CCDC33: variants seen among roughly 807,000 people sequenced by gnomAD.
The protein encoded by CCDC33 is coiled-coil domain-containing protein 33.
Under a neutral mutation model 91.9 loss-of-function variants are expected in CCDC33, and 94 were observed. The observed-to-expected ratio is 1.02, with a 90% CI of 0.87 to 1.21. The LOEUF (loss-of-function observed/expected upper bound fraction) is 1.21. Ranked by LOEUF, CCDC33 falls within the 50% of genes most tolerant of loss-of-function variation. The probability of loss-of-function intolerance (pLI) is 0.00; values close to 1 mark genes in which losing one functional copy is unlikely to be tolerated. For missense variants in CCDC33, 940 were observed against 935.5 expected (o/e 1.00, Z -0.06); for synonymous variants, 396 against 374.5 (o/e 1.06, Z -0.66).
chr15:74,227,420 T>G (rs1351266415), intron 2 of CCDC33, among the ~76,000 whole-genome samples: 3 of 152,104 alleles, frequency 2.0e-5, no homozygotes, highest in Non-Finnish European at 4.4e-5. Flanking sequence ...GGGAAGCACT[T>G]TGAGGGAGGA....
chr15:74,336,087 G>T lies in CCDC33; in HGVS notation c.*34G>T. 6.2e-7 allele frequency: 1 copy of T among 1,607,038 alleles called. No homozygotes were observed. On this transcript the variant is annotated 3_prime_UTR_variant, in exon 19 of 19. Coordinates refer to ENST00000398814, the MANE Select transcript of CCDC33 (RefSeq NM_025055.5). The stretch of plus-strand genomic sequence containing the variant: ...GCAGGCCTCCTTCCCTGTGTGCTGG[G>T]GAGTCTCATCACCGCCCCCTAAAAA...
upstream of CCDC33, among the ~76,000 whole-genome samples, chr15:74,234,585 G>T (rs796711560): frequency 1.1e-4 from 16 of 152,298 alleles, no homozygotes; most frequent in African/African-American, 3.6e-4. Flanking sequence ...AGGTAGAAGG[G>T]CCCTACTGGT....
intron 1 of CCDC33, among the ~76,000 whole-genome samples, chr15:74,240,095 C>G (rs1038211613): frequency 9.2e-5 from 14 of 152,262 alleles, no homozygotes; most frequent in Admixed American, 9.2e-4. Context: ...TGGCCCTGGG[C>G]CCAGCCTGCC....
At chr15:74,333,027 C>T (rs2060474160) in intron 16 of CCDC33, 182 bp downstream of exon 16, 1 of 768,812 alleles carries the variant, frequency 1.3e-6, no homozygotes, top group East Asian at 2.7e-5. Flanking sequence ...AATGTGTGTC[C>T]CCGAACACTT....
At chr15:74,295,039 G>T (rs745566168) in intron 10 of CCDC33, among the ~76,000 whole-genome samples, 1 of 152,200 alleles carries the variant, frequency 6.6e-6, no homozygotes. Flanking sequence ...CTTAATGGGT[G>T]GTAAGATTGA....
chr15:74,207,942 T>A (rs1244759537), intron 1 of CCDC33: 1 of 1,454,126 alleles, frequency 6.9e-7, no homozygotes, highest in African/African-American at 1.4e-5. Context: ...ACTCTCCACC[T>A]CCTGTCTCTC....
intron 10 of CCDC33, among the ~76,000 whole-genome samples, chr15:74,285,795 A>G (rs1051730456): frequency 2.0e-5 from 3 of 152,216 alleles, no homozygotes; most frequent in Non-Finnish European, 4.4e-5. Context: ...CTGCATTAAG[A>G]TGGCTTGTGT....
At chr15:74,271,087 G>C (rs2076302577) in intron 5 of CCDC33, among the ~76,000 whole-genome samples, 1 of 152,144 alleles carries the variant, frequency 6.6e-6, no homozygotes, top group Non-Finnish European at 1.5e-5. Flanking sequence ...AGCAAGGCAG[G>C]AGAGCAGGCA....
At chr15:74,301,976 C>T (rs1464416522) in intron 11 of CCDC33, 2 of 152,214 alleles carry the variant, frequency 1.3e-5, no homozygotes, top group African/African-American at 4.8e-5. Context: ...AGAGGGCCCT[C>T]ATACCAGGAG....
intron 7 of CCDC33, among the ~76,000 whole-genome samples, chr15:74,276,950 G>GTGTCTGTC (rs759521456): frequency 1.3e-5 from 2 of 152,056 alleles, no homozygotes; most frequent in African/African-American, 2.4e-5. Context: ...TTGTGTGTGT[G>GTGTCTGTC]TGTCTGTCTG....
chr15:74,275,241 G>A (rs1194355656), intron 7 of CCDC33, among the ~76,000 whole-genome samples: 1 of 152,236 alleles, frequency 6.6e-6, no homozygotes, highest in East Asian at 1.9e-4. Flanking sequence ...CTTACTGGCT[G>A]CATGACCTTT....
At chr15:74,305,899 C>T (rs2059884788) in intron 11 of CCDC33, among the ~76,000 whole-genome samples, 1 of 152,012 alleles carries the variant, frequency 6.6e-6, no homozygotes, top group Admixed American at 6.6e-5. Context: ...CTCTCTGATC[C>T]TGTCTCTTCA....
intron 7 of CCDC33, among the ~76,000 whole-genome samples, chr15:74,273,993 G>A (rs185604684): frequency 1.1e-4 from 16 of 151,916 alleles, no homozygotes; most frequent in African/African-American, 3.1e-4. Flanking sequence ...CACCATGCCC[G>A]GCTAATTTTT....
upstream of CCDC33, among the ~76,000 whole-genome samples, chr15:74,214,283 T>C (rs1464151180): frequency 6.6e-6 from 1 of 152,038 alleles, no homozygotes; most frequent in Admixed American, 6.5e-5. Context: ...GAGGGCCCCA[T>C]TAAGGTCTTT....
intron 11 of CCDC33, among the ~76,000 whole-genome samples, chr15:74,306,992 C>A (rs11634685): frequency 0.48 from 73,757 of 152,134 alleles, 20,767 homozygotes; most frequent in Non-Finnish European, 0.63. Flanking sequence ...TCTTTCATCC[C>A]AGCAAACAAG....
chr15:74,211,424 G>A (rs1256274639), intron 2 of CCDC33, among the ~76,000 whole-genome samples: 2 of 134,526 alleles, frequency 1.5e-5, no homozygotes, highest in South Asian at 4.9e-4. Context: ...TTTTGAGATG[G>A]AGTTTGGCTC....
At chr15:74,331,578 C>A (rs1353251422) in intron 15 of CCDC33, among the ~76,000 whole-genome samples, 1 of 152,208 alleles carries the variant, frequency 6.6e-6, no homozygotes, top group African/African-American at 2.4e-5. Context: ...CAGAGGAGGG[C>A]CCTGCAGACT....
intron 2 of CCDC33, among the ~76,000 whole-genome samples, chr15:74,222,658 G>C (rs2074641184): frequency 1.3e-5 from 2 of 151,788 alleles, no homozygotes; most frequent in Admixed American, 1.3e-4. Context: ...TGTGGATTCT[G>C]ATTGTGAATT....
chr15:74,243,258 C>T (rs759173046), intron 1 of CCDC33, among the ~76,000 whole-genome samples: 2 of 152,226 alleles, frequency 1.3e-5, no homozygotes, highest in African/African-American at 4.8e-5. Flanking sequence ...CGTGGAGAAG[C>T]TTTGTCAGCT....
Sources: gnomAD v4.1 joint callset for allele counts (sites outside exome capture counted in the v4.1 genomes callset) on GRCh38, gnomAD v4.1.1 for gene constraint, MANE v1.5 for transcripts, NCBI Gene and HGNC (gene_info 2026-07-23, HGNC 2026-07-21) for gene names.